Variants in SCARA3 observed in about 807,000 individuals in gnomAD.
The protein encoded by SCARA3 is scavenger receptor class A member 3, also known as cellular stress response gene protein.
In SCARA3, 39 loss-of-function variants were observed where a neutral mutation model predicts 47.0. That is an observed-to-expected ratio of 0.83 (90% CI 0.64 to 1.08). The LOEUF is 1.08. Among genes scored for constraint, SCARA3 ranks in the 50% least tolerant of loss-of-function variants. The pLI, the probability that SCARA3 is intolerant of heterozygous loss-of-function variation, is 0.00. For synonymous variants in SCARA3, 356 were observed against 334.1 expected, an observed-to-expected ratio of 1.07 and a Z score of -0.71; for missense variants, 724 against 792.3, an observed-to-expected ratio of 0.91 and a Z score of 1.04.
intron 3 of SCARA3, 100 bp downstream of exon 3, chr8:27,651,727 TC>T: frequency 6.7e-7 from 1 of 1,481,804 alleles, no homozygotes; most frequent in Non-Finnish European, 9.1e-7. Flanking sequence ...GACATCTGTA[TC>T]CCAGGGCCCA....
At chr8:27,658,308 C>T (rs1249897953) in intron 4 of SCARA3, among the ~76,000 whole-genome samples, 188 bp from the exon 5 acceptor site, 4 of 152,008 alleles carry the variant, frequency 2.6e-5, no homozygotes, top group South Asian at 2.1e-4. Flanking sequence ...TCAAGAAAGT[C>T]GGTAAAAATG....
In SCARA3 at chr8:27,670,814, G is replaced by C. The variant is rs914507444; in HGVS notation, c.1370-86G>C. On this transcript the variant is annotated intron_variant, in intron 5 of 5. Coordinates refer to ENST00000301904, the MANE Select transcript of SCARA3 (RefSeq NM_016240.3). ...GCTGGACTTGTTCAACCCTCGGGCT[G>C]TCGCCGTGCCCGCTCTGCTCATGGG... 2.1e-5 allele frequency: 24 copies of C among 1,139,372 alleles called. No homozygotes were observed. The African/African-American group carries it at 3.5e-4, about 17-fold the overall frequency. The allele number at this position is 1,139,372 out of a possible 1,614,324, so 70.6% of individuals were successfully genotyped here. A position where few individuals can be genotyped will look rare whatever the true frequency, so the allele number is the denominator to read the frequency against.
rs955766269 is a variant in SCARA3, at chr8:27,670,940, T to C, written c.1410T>C (p.Asp470=). 5.1e-6 allele frequency: 8 copies of C among 1,581,772 alleles called. No homozygotes were observed. Among genetic ancestry groups the C allele is most frequent in the Non-Finnish European group, 6.8e-6 (8 of 1,168,970 alleles). Residue 470 remains aspartate (D), a synonymous_variant, in exon 6 of 6, where the codon GAT becomes GAC. Transcript: ENST00000301904. ...CAGGACCAAGAGGATTCAAAGGAGA[T>C]ATGGGCGTGAAAGGGCCTGTTGGCG... ...GPPGPRGFKG[D]MGVKGPVGGR...
chr8:27,696,230 G>A, the SCARA3 span, among the ~76,000 whole-genome samples: 2 of 151,922 alleles, frequency 1.3e-5, no homozygotes, highest in African/African-American at 4.8e-5. Flanking sequence ...GGCTGGTCTC[G>A]AGCTCCTGGC....
the SCARA3 span, among the ~76,000 whole-genome samples, chr8:27,718,052 T>C: frequency 4.6e-3 from 708 of 152,350 alleles, 6 homozygotes; most frequent in African/African-American, 0.016. Context: ...CGCACACGCA[T>C]GGCCTTATCT....
At chr8:27,698,251 C>T in the SCARA3 span, among the ~76,000 whole-genome samples, 66 of 146,446 alleles carry the variant, frequency 4.5e-4, no homozygotes, top group African/African-American at 1.6e-3. Context: ...TAAATTAGAA[C>T]GTAAATATTA....
At chr8:27,726,264 G>C in the SCARA3 span, among the ~76,000 whole-genome samples, 1 of 152,112 alleles carries the variant, frequency 6.6e-6, no homozygotes, top group Non-Finnish European at 1.5e-5. Flanking sequence ...AAATTAGCTG[G>C]GTGTAGTGGT....
At chr8:27,698,419 A>T in the SCARA3 span, among the ~76,000 whole-genome samples, 120 of 152,346 alleles carry the variant, frequency 7.9e-4, no homozygotes, top group African/African-American at 2.6e-3. Context: ...GCTAATTGCA[A>T]ATTTAATGGT....
At chr8:27,667,906 C>G (rs554296213) in intron 5 of SCARA3, among the ~76,000 whole-genome samples, 88 of 152,172 alleles carry the variant, frequency 5.8e-4, no homozygotes, top group Non-Finnish European at 1.0e-3. Flanking sequence ...ATCGTCCACT[C>G]TATCTTCTCC....
chr8:27,667,922 G>A (rs1802053848), intron 5 of SCARA3, among the ~76,000 whole-genome samples: 1 of 152,096 alleles, frequency 6.6e-6, no homozygotes, highest in Non-Finnish European at 1.5e-5. Flanking sequence ...TCTCCCGGCC[G>A]CTGCCTGGGA....
In SCARA3 at chr8:27,651,636, G is replaced by T; in HGVS notation, c.226+9G>T. On this transcript the variant is annotated intron_variant, in intron 3 of 5. Transcript: ENST00000301904. ...TGTGTTGGCCTCTCTGGGTGAGTCC[G>T]GGGCTTTCCCACCCCGGGCTGCAGG... The T allele has an allele frequency of 6.2e-7, 1 of 1,613,396 alleles. No individual in the cohort carries two copies. Among genetic ancestry groups the T allele is most frequent in the African/African-American group, 1.3e-5 (1 of 75,028 alleles).
the SCARA3 span, among the ~76,000 whole-genome samples, chr8:27,709,536 G>A: frequency 6.6e-6 from 1 of 152,162 alleles, no homozygotes; most frequent in African/African-American, 2.4e-5. Flanking sequence ...CTGAGGCAGG[G>A]GGAGGCGCTT....
the SCARA3 span, among the ~76,000 whole-genome samples, chr8:27,716,144 A>T: frequency 6.6e-6 from 1 of 151,968 alleles, no homozygotes; most frequent in Admixed American, 6.6e-5. Context: ...AGTGTCTACA[A>T]GAAAAAAAAA....
the SCARA3 span, chr8:27,701,059 A>G: frequency 1.3e-5 from 2 of 151,980 alleles, no homozygotes; most frequent in South Asian, 4.2e-4. Flanking sequence ...AAATGCATGG[A>G]AAAATTATGA....
the SCARA3 span, among the ~76,000 whole-genome samples, chr8:27,696,186 T>C: frequency 2.0e-5 from 3 of 151,972 alleles, no homozygotes; most frequent in Non-Finnish European, 1.5e-5. Context: ...ATTTTAAATA[T>C]TTTTGTAGAG....
At chr8:27,682,290 AC>A in the SCARA3 span, among the ~76,000 whole-genome samples, 2 of 152,166 alleles carry the variant, frequency 1.3e-5, no homozygotes, top group Admixed American at 6.5e-5. Context: ...ATGGATCAAG[AC>A]CTAAATATAA....
intron 5 of SCARA3, among the ~76,000 whole-genome samples, chr8:27,667,002 G>A (rs1006006435): frequency 2.6e-5 from 4 of 152,048 alleles, no homozygotes; most frequent in African/African-American, 9.7e-5. Flanking sequence ...TCCTTCCCAC[G>A]CACCTCGGCC....
At position 27,658,833 on chromosome 8, in the gene SCARA3, C is replaced by T. The variant is rs542505304; in HGVS notation, c.663C>T (p.His221=). Residue 221 remains histidine (H), a synonymous_variant, in exon 5 of 6, where the codon CAC becomes CAT. Coordinates refer to ENST00000301904, the MANE Select transcript of SCARA3 (RefSeq NM_016240.3). Reference sequence around the variant, plus strand: ...GCTACGATGTCAAGGCTGCAGTGCACCAGATCAACTTCACCGTGGGGCAGA... The same window carrying T: ...GCTACGATGTCAAGGCTGCAGTGCATCAGATCAACTTCACCGTGGGGCAGA... ...QECYDVKAAV[H]QINFTVGQTS... The T allele has an allele frequency of 1.2e-6, 2 of 1,614,200 alleles. No individual in the cohort carries two copies. The highest frequency in any genetic ancestry group is 1.1e-5 in the South Asian group (1 of 91,088).
At chr8:27,693,171 A>G in the SCARA3 span, among the ~76,000 whole-genome samples, 5 of 151,726 alleles carry the variant, frequency 3.3e-5, no homozygotes, top group Non-Finnish European at 5.9e-5. Context: ...TTATCCACCT[A>G]TGACCTGAAA....
Sources: allele counts gnomAD v4.1 joint callset (sites outside exome capture counted in the v4.1 genomes callset), GRCh38; gene constraint gnomAD v4.1.1; transcripts MANE v1.5; gene names NCBI Gene and HGNC (gene_info 2026-07-23, HGNC 2026-07-21).